FAM177A1: variants seen among roughly 807,000 people sequenced by gnomAD.
FAM177A1 encodes family with sequence similarity 177 member A1.
FAM177A1 carries 22 observed loss-of-function variants against 26.1 expected under a neutral mutation model. That is an observed-to-expected ratio of 0.84 (90% CI 0.60 to 1.20). The LOEUF (loss-of-function observed/expected upper bound fraction) is 1.20. Among genes scored for constraint, FAM177A1 ranks in the 50% most tolerant of loss-of-function variants. The pLI, the probability that FAM177A1 is intolerant of heterozygous loss-of-function variation, is 0.00. For synonymous variants in FAM177A1, 95 were observed against 99.3 expected, an observed-to-expected ratio of 0.96 and a Z score of 0.26; for missense variants, 296 against 291.1, an observed-to-expected ratio of 1.02 and a Z score of -0.12.
chr14:35,052,820 G>A (rs1402433346), intron 1 of FAM177A1, among the ~76,000 whole-genome samples: 1 of 152,084 alleles, frequency 6.6e-6, no homozygotes, highest in African/African-American at 2.4e-5. Flanking sequence ...TACTCAGGAG[G>A]TGGACACAGA....
At chr14:35,057,777 G>A (rs966617378) in intron 2 of FAM177A1, among the ~76,000 whole-genome samples, 7 of 151,860 alleles carry the variant, frequency 4.6e-5, no homozygotes, top group Non-Finnish European at 8.8e-5. Flanking sequence ...TACTTCCCAT[G>A]TATTTGTTTG....
rs112471004 is a variant in FAM177A1, at chr14:35,053,878, A to G, written c.339+427A>G. On this transcript the variant is annotated intron_variant, in intron 2 of 4. Transcript: ENST00000280987. ...CGTATTGGTGGACACCTGTAATCCCAGCTACTTGGGAGGCTGAGGCAGGAG... is the reference window on the plus strand; with the variant it reads ...CGTATTGGTGGACACCTGTAATCCCGGCTACTTGGGAGGCTGAGGCAGGAG... 6.6e-5 allele frequency among the ~76,000 whole-genome samples: 10 copies of G among 152,270 alleles called. 1 individual carries two copies. Among genetic ancestry groups the G allele is most frequent in the Admixed American group, 3.3e-4 (5 of 15,292 alleles).
intron 2 of FAM177A1, 123 bp downstream of exon 2, chr14:35,053,574 A>G (rs2045012352): frequency 2.5e-6 from 2 of 812,168 alleles, no homozygotes; most frequent in Non-Finnish European, 4.0e-6. Context: ...TTATAAAATT[A>G]TGTATGGTGA....
At chr14:35,068,629 T>C (rs559480826) in intron 2 of FAM177A1, among the ~76,000 whole-genome samples, 1 of 152,336 alleles carries the variant, frequency 6.6e-6, no homozygotes, top group South Asian at 2.1e-4. Flanking sequence ...TGGGAAGCCT[T>C]CTCCATTTGG....
chr14:35,081,326 T>A lies in FAM177A1; in HGVS notation c.*98T>A. The A allele has an allele frequency of 9.1e-7, 1 of 1,101,994 alleles. No homozygotes were observed. Among genetic ancestry groups the A allele is most frequent in the Non-Finnish European group, 1.2e-6 (1 of 809,508 alleles). The allele number at this position is 1,101,994 out of a possible 1,614,324, so 68.3% of individuals were successfully genotyped here. A position where few individuals can be genotyped will look rare whatever the true frequency, so the allele number is the denominator to read the frequency against. ...CAGTGGGACTTAATACAATTATTTA[T>A]ATTTTAAATTATTAAAGTATCTGGA... On this transcript the variant is annotated 3_prime_UTR_variant, in exon 5 of 5. Transcript: ENST00000280987.
In FAM177A1 at chr14:35,060,635, T is replaced by G. The variant is rs530833141; in HGVS notation, c.339+7184T>G. On this transcript the variant is annotated intron_variant, in intron 2 of 4. Coordinates refer to ENST00000280987, the MANE Select transcript of FAM177A1 (RefSeq NM_173607.5). The stretch of plus-strand genomic sequence containing the variant: ...GCCTGTTTATTTGTTTAGTGACTGC[T>G]GTGTTCTTTTAGTGAAGTCTATTCT... Among the ~76,000 whole-genome samples, 163 of 152,324 alleles carry G rather than the reference T, an allele frequency of 1.1e-3. 1 individual carries two copies. Among genetic ancestry groups the G allele is most frequent in the African/African-American group, 3.6e-3 (149 of 41,568 alleles).
chr14:35,053,962 C>T (rs1391335323), intron 2 of FAM177A1, among the ~76,000 whole-genome samples: 3 of 152,148 alleles, frequency 2.0e-5, no homozygotes, highest in Admixed American at 6.6e-5. Context: ...CATTGCACTC[C>T]AGCCTCGGGG....
intron 2 of FAM177A1, among the ~76,000 whole-genome samples, chr14:35,074,827 G>T (rs1037177025): frequency 3.3e-5 from 5 of 151,720 alleles, no homozygotes; most frequent in African/African-American, 1.2e-4. Context: ...GGATCACATG[G>T]GGCCGGAATT....
Position 35,046,563 on chromosome 14 carries a change from C to G in FAM177A1, c.100C>G (p.Arg34Gly). The stretch of plus-strand genomic sequence containing the variant: ...CCAGGAGCCAGTGGGCGGTGTGGAA[C>G]GAGGAGAAGCCGTCGCAGCCTCGGG... The part of the protein sequence containing the change: ...MDQEPVGGVE[R>G]GEAVAASGAA... Residue 34 changes from arginine to glycine, a missense_variant, in exon 1 of 5, where the codon CGA (arginine) becomes GGA (glycine). Transcript: ENST00000280987. 1 of 1,585,846 alleles carries G rather than the reference C, an allele frequency of 6.3e-7. No homozygotes were observed. Among genetic ancestry groups the G allele is most frequent in the Non-Finnish European group, 8.6e-7 (1 of 1,168,386 alleles).
intron 2 of FAM177A1, among the ~76,000 whole-genome samples, chr14:35,063,782 G>A (rs2045196527): frequency 6.6e-6 from 1 of 151,968 alleles, no homozygotes; most frequent in African/African-American, 2.4e-5. Flanking sequence ...GCTCTTGCCT[G>A]TAATCCCAGC....
In FAM177A1 at chr14:35,046,505, C is replaced by T. The variant is rs2044865763; in HGVS notation, c.42C>T (p.Ser14=). Residue 14 remains serine (S), a synonymous_variant, in exon 1 of 5, where the codon AGC becomes AGT. Coordinates refer to ENST00000280987, the MANE Select transcript of FAM177A1 (RefSeq NM_173607.5). ...GLPAITLFLT[S]ASSPVVATTM... Reference sequence around the variant, plus strand: ...CGGCCATTACCCTCTTTCTCACCAGCGCCAGCAGCCCTGTGGTGGCGACGA... The same window carrying T: ...CGGCCATTACCCTCTTTCTCACCAGTGCCAGCAGCCCTGTGGTGGCGACGA... 1.2e-6 allele frequency: 2 copies of T among 1,601,902 alleles called. No individual in the cohort carries two copies. Among genetic ancestry groups the T allele is most frequent in the East Asian group, 2.3e-5 (1 of 44,188 alleles).
intron 2 of FAM177A1, among the ~76,000 whole-genome samples, chr14:35,070,112 CTCAAAAAAAAAAAAAAA>C: frequency 2.2e-5 from 1 of 46,100 alleles, no homozygotes; most frequent in East Asian, 6.2e-4. Context: ...GAGACTCTGT[CTCAAAAAAAAAAAAAAA>C]AAAAAAAAAA....
chr14:35,070,926 A>G (rs2045311307), intron 2 of FAM177A1, among the ~76,000 whole-genome samples: 2 of 152,030 alleles, frequency 1.3e-5, no homozygotes, highest in Non-Finnish European at 2.9e-5. Context: ...ATATTTGGAT[A>G]ATTATTTCTA....
At chr14:35,053,230 AAATT>A (rs746838966) in intron 1 of FAM177A1, 44 bp from the exon 2 acceptor site, 177 of 1,536,780 alleles carry the variant, frequency 1.2e-4, no homozygotes, top group East Asian at 6.5e-4. Context: ...TAATGAAAGA[AAATT>A]AATCTCACTT....
upstream of FAM177A1, chr14:35,045,072 G>A (rs1248068764): frequency 6.6e-6 from 1 of 152,112 alleles, no homozygotes. Context: ...GTTTATGAAT[G>A]CCAATTCATG....
chr14:35,046,492 T>A lies in FAM177A1; in HGVS notation c.29T>A (p.Leu10His), dbSNP rs762757572. 10 of 1,601,088 alleles carry A rather than the reference T, an allele frequency of 6.2e-6. No homozygotes were observed. The highest frequency in any genetic ancestry group is 8.5e-6 in the Non-Finnish European group (10 of 1,175,352). The change falls in exon 1 of 5, where the codon CTC becomes CAC. Residue 10 changes from leucine to histidine, a missense_variant. Coordinates refer to ENST00000280987, the MANE Select transcript of FAM177A1 (RefSeq NM_173607.5). MEVGLPAIT[L>H]FLTSASSPVV... is the part of the protein sequence containing the mutation. ...GAAGTGGGCTTACCGGCCATTACCCTCTTTCTCACCAGCGCCAGCAGCCCT... is the reference window on the plus strand; with the variant it reads ...GAAGTGGGCTTACCGGCCATTACCCACTTTCTCACCAGCGCCAGCAGCCCT...
intron 2 of FAM177A1, among the ~76,000 whole-genome samples, chr14:35,069,152 A>G (rs1326756292): frequency 2.0e-5 from 3 of 152,100 alleles, no homozygotes; most frequent in African/African-American, 7.2e-5. Flanking sequence ...TGTAGATAAT[A>G]CCCTATTAGC....
intron 2 of FAM177A1, among the ~76,000 whole-genome samples, chr14:35,073,059 G>A (rs979354582): frequency 3.4e-5 from 5 of 148,610 alleles, no homozygotes; most frequent in African/African-American, 7.5e-5. Context: ...CTTTATCAGG[G>A]TTCTCTTCTT....
At chr14:35,048,892 T>C (rs1169603604) in intron 1 of FAM177A1, among the ~76,000 whole-genome samples, 1 of 114,176 alleles carries the variant, frequency 8.8e-6, no homozygotes, top group African/African-American at 2.7e-5. Flanking sequence ...TGTGACATTC[T>C]TTTTTTTTTT....
Sources: gnomAD v4.1 joint callset for allele counts (sites outside exome capture counted in the v4.1 genomes callset) on GRCh38, gnomAD v4.1.1 for gene constraint, MANE v1.5 for transcripts, NCBI Gene and HGNC (gene_info 2026-07-23, HGNC 2026-07-21) for gene names.